Variants in MYRFL observed in about 807,000 individuals in gnomAD.
The protein encoded by MYRFL is myelin regulatory factor like, also known as myelin regulatory factor-like protein.
Under a neutral mutation model 109.4 loss-of-function variants are expected in MYRFL, and 88 were observed. That is an observed-to-expected ratio of 0.80 (90% CI 0.68 to 0.96). MYRFL has a LOEUF of 0.96. Among genes scored for constraint, MYRFL ranks in the 40% least tolerant of loss-of-function variants. MYRFL has a pLI of 0.00. For synonymous variants in MYRFL, 324 were observed against 320.9 expected, an observed-to-expected ratio of 1.01 and a Z score of -0.10; for missense variants, 957 against 954.9, an observed-to-expected ratio of 1.00 and a Z score of -0.03.
chr12:69,905,724 A>G (rs971335718), intron 11 of MYRFL, among the ~76,000 whole-genome samples: 11 of 152,252 alleles, frequency 7.2e-5, no homozygotes, highest in Non-Finnish European at 1.5e-4. Context: ...TAAAAATTAC[A>G]TGTAATTTAT....
At chr12:69,912,089 A>G (rs1265570825) in intron 13 of MYRFL, among the ~76,000 whole-genome samples, 1 of 152,162 alleles carries the variant, frequency 6.6e-6, no homozygotes, top group Non-Finnish European at 1.5e-5. Flanking sequence ...CTGTACCACA[A>G]ACTCTTAGAT....
At chr12:69,868,734 T>G (rs1885155667) in intron 2 of MYRFL, among the ~76,000 whole-genome samples, 1 of 152,220 alleles carries the variant, frequency 6.6e-6, no homozygotes, top group Non-Finnish European at 1.5e-5. Flanking sequence ...CTGTATCAAC[T>G]TCTAGATGGT....
intron 1 of MYRFL, among the ~76,000 whole-genome samples, chr12:69,827,565 G>T (rs544396687): frequency 2.6e-5 from 4 of 151,992 alleles, no homozygotes; most frequent in East Asian, 3.9e-4. Flanking sequence ...GAGATGTTTG[G>T]TTTTTTCAGC....
intron 1 of MYRFL, among the ~76,000 whole-genome samples, chr12:69,833,906 T>A (rs982593902): frequency 6.9e-6 from 1 of 145,150 alleles, no homozygotes; most frequent in Non-Finnish European, 1.5e-5. Flanking sequence ...TTTACTGCCA[T>A]CTGCCATTAT....
chr12:69,911,056 T>A, intron 13 of MYRFL, 126 bp downstream of exon 13: 3 of 563,748 alleles, frequency 5.3e-6, no homozygotes, highest in Non-Finnish European at 9.3e-6. Flanking sequence ...CTTCACTGAG[T>A]TGTGGAGTGA....
chr12:69,848,119 A>G (rs186341703), intron 1 of MYRFL, among the ~76,000 whole-genome samples: 4 of 152,202 alleles, frequency 2.6e-5, no homozygotes, highest in Admixed American at 6.5e-5. Flanking sequence ...TCACAAACTA[A>G]ATTCTCATAA....
intron 19 of MYRFL, among the ~76,000 whole-genome samples, chr12:69,943,308 C>T (rs1460799089): frequency 6.7e-6 from 1 of 149,598 alleles, no homozygotes; most frequent in African/African-American, 2.5e-5. Context: ...GTAACCAAAA[C>T]AGCATGGTAC....
At chr12:69,894,910 T>C (rs750743556) in intron 8 of MYRFL, among the ~76,000 whole-genome samples, 1 of 152,158 alleles carries the variant, frequency 6.6e-6, no homozygotes, top group Non-Finnish European at 1.5e-5. Context: ...GGCAGGGTGT[T>C]TGTGGCCTTC....
intron 1 of MYRFL, among the ~76,000 whole-genome samples, chr12:69,854,797 G>A (rs11177904): frequency 0.12 from 17,808 of 152,096 alleles, 1,298 homozygotes; most frequent in Middle Eastern, 0.19. Context: ...CCCATCACCC[G>A]AAACCCCTAT....
chr12:69,930,381 G>A lies in MYRFL; in HGVS notation c.1831-2132G>A, dbSNP rs564143530. On this transcript the variant is annotated intron_variant, in intron 15 of 24. Transcript: ENST00000552032. ...ATGTAGCTCTCATTCAGTCAGTAGG[G>A]TTCCTCTTTTTTCCCTCTCTTTCTC... 9.9e-5 allele frequency among the ~76,000 whole-genome samples: 15 copies of A among 152,208 alleles called. No individual in the cohort carries two copies. The South Asian group carries it at 3.1e-3, about 32-fold the overall frequency.
intron 5 of MYRFL, among the ~76,000 whole-genome samples, chr12:69,885,345 A>G (rs1279072575): frequency 6.6e-6 from 1 of 152,172 alleles, no homozygotes; most frequent in Admixed American, 6.5e-5. Context: ...TGGTATGAAA[A>G]GCAACTTGAA....
At chr12:69,850,699 A>T (rs1194656000) in intron 1 of MYRFL, among the ~76,000 whole-genome samples, 1 of 152,010 alleles carries the variant, frequency 6.6e-6, no homozygotes, top group African/African-American at 2.4e-5. Context: ...GTCAGGGTTT[A>T]TTACTTTTCC....
intron 19 of MYRFL, among the ~76,000 whole-genome samples, chr12:69,944,842 C>T (rs1326371122): frequency 1.3e-5 from 2 of 152,094 alleles, no homozygotes; most frequent in African/African-American, 2.4e-5. Context: ...CACACCTGCA[C>T]GTTCTGCACA....
At chr12:69,954,000 A>C (rs550851367) in intron 21 of MYRFL, among the ~76,000 whole-genome samples, 1 of 152,110 alleles carries the variant, frequency 6.6e-6, no homozygotes, top group East Asian at 1.9e-4. Context: ...ATGATTTATG[A>C]CCTCTATGTT....
intron 6 of MYRFL, among the ~76,000 whole-genome samples, chr12:69,890,713 G>T (rs951343905): frequency 1.1e-4 from 16 of 152,128 alleles, no homozygotes; most frequent in Non-Finnish European, 1.6e-4. Context: ...CCAGCTTAGG[G>T]GACAGAGCAA....
intron 2 of MYRFL, among the ~76,000 whole-genome samples, chr12:69,871,830 G>C (rs568820530): frequency 6.6e-6 from 1 of 151,860 alleles, no homozygotes; most frequent in Non-Finnish European, 1.5e-5. Flanking sequence ...GTTCCCTCAA[G>C]TTCTCTAAAA....
At chr12:69,916,237 G>A (rs1038505599) in intron 13 of MYRFL, among the ~76,000 whole-genome samples, 1 of 152,114 alleles carries the variant, frequency 6.6e-6, no homozygotes, top group South Asian at 2.1e-4. Flanking sequence ...AAAGCTCTAA[G>A]TAATAATGTG....
In MYRFL at chr12:69,937,865, C is replaced by A. The variant is rs567276949; in HGVS notation, c.2224+1233C>A. On this transcript the variant is annotated intron_variant, in intron 19 of 24. Transcript: ENST00000552032. The stretch of plus-strand genomic sequence containing the variant: ...AACTTTTACAAATTGTCATCATCAT[C>A]ATGATTATCATGTTGTAATGAGGTA... 3.3e-5 allele frequency among the ~76,000 whole-genome samples: 5 copies of A among 152,288 alleles called. No homozygotes were observed. The East Asian group carries it at 9.6e-4, about 29-fold the overall frequency.
intron 21 of MYRFL, among the ~76,000 whole-genome samples, chr12:69,953,956 C>T (rs1299932118): frequency 6.6e-6 from 1 of 152,056 alleles, no homozygotes; most frequent in African/African-American, 2.4e-5. Context: ...AAGTTGATGG[C>T]TGTGAGTTAT....
Sources: allele counts gnomAD v4.1 joint callset (sites outside exome capture counted in the v4.1 genomes callset), GRCh38; gene constraint gnomAD v4.1.1; transcripts MANE v1.5; gene names NCBI Gene and HGNC (gene_info 2026-07-23, HGNC 2026-07-21).